Variants in SORL1-AS1 observed in about 807,000 individuals in gnomAD.
The protein encoded by SORL1-AS1 is lncRNA 51 A.
At chr11:121,447,702 T>C (rs559102117) in exon 2 of SORL1-AS1, 7 of 152,086 alleles carry the variant, frequency 4.6e-5, no homozygotes, top group African/African-American at 2.4e-5. Context: ...TAGAAAAGTA[T>C]AGAAAACAGG....
Position 121,452,445 on chromosome 11 carries a change from C to T in SORL1-AS1, n.339+230G>A. ...TCTGGACGCAGAGGCTGCACGGCGG[C>T]AGCGCGCCCTTGCCCCAGGACCGGG... On this transcript the variant is annotated intron_variant and non_coding_transcript_variant, in intron 1 of 1. Coordinates refer to ENST00000501964, the Ensembl canonical transcript of SORL1-AS1. The surrounding 1 kb of genome is among the most constrained non-coding windows in gnomAD (Gnocchi z 5.3). 2 of 1,499,194 alleles carry T rather than the reference C, an allele frequency of 1.3e-6. No homozygotes were observed. The highest frequency in any genetic ancestry group is 1.3e-5 in the South Asian group (1 of 78,154). The allele number at this position is 1,499,194 out of a possible 1,614,324, so 92.9% of individuals were successfully genotyped here. A position where few individuals can be genotyped will look rare whatever the true frequency, so the allele number is the denominator to read the frequency against.
the SORL1-AS1 span, among the ~76,000 whole-genome samples, chr11:121,442,320 C>T: frequency 1.3e-5 from 2 of 152,106 alleles, no homozygotes; most frequent in African/African-American, 4.8e-5. Context: ...AACCCAAGGA[C>T]ACAGGAAGAG....
chr11:121,448,909 A>G (rs767128268), exon 2 of SORL1-AS1: 1 of 152,174 alleles, frequency 6.6e-6, no homozygotes. Context: ...CTGCTCTGAA[A>G]CCTGAAGGCT....
chr11:121,446,569 G>A (rs1485018542), downstream of SORL1-AS1, among the ~76,000 whole-genome samples: 2 of 152,062 alleles, frequency 1.3e-5, no homozygotes. Flanking sequence ...TGGGCAACAT[G>A]GTGAAACCCC....
At chr11:121,446,355 G>A (rs141212555), downstream of SORL1-AS1, among the ~76,000 whole-genome samples, 340 of 152,334 alleles carry the variant, frequency 2.2e-3, 2 homozygotes, top group African/African-American at 7.9e-3. Context: ...AGGTCAAGAA[G>A]TGGCCTTTTA....
chr11:121,439,131 T>G, the SORL1-AS1 span, among the ~76,000 whole-genome samples: 2 of 152,188 alleles, frequency 1.3e-5, no homozygotes, highest in African/African-American at 4.8e-5. Context: ...ACATGATAGG[T>G]GAATATTTAT....
At chr11:121,443,259 G>T (rs1591536311), downstream of SORL1-AS1, among the ~76,000 whole-genome samples, 1 of 152,306 alleles carries the variant, frequency 6.6e-6, no homozygotes, top group Non-Finnish European at 1.5e-5. Context: ...GCTAGCGTTG[G>T]ACTTTCTAGT....
Position 121,450,213 on chromosome 11 carries a change from C to A in SORL1-AS1, n.340-314G>T, listed in dbSNP as rs1471524684. ...TCTCATTAAATATATGTTGGAAAAACCCCAATAATTGAATCATCTACAGGA... is the reference window on the plus strand; with the variant it reads ...TCTCATTAAATATATGTTGGAAAAAACCCAATAATTGAATCATCTACAGGA... On this transcript the variant is annotated intron_variant and non_coding_transcript_variant, in intron 1 of 1. Coordinates refer to ENST00000501964, the Ensembl canonical transcript of SORL1-AS1. This position sits in a 1 kb window ranked among gnomAD's most constrained non-coding sequence, Gnocchi z 5.2. Among the ~76,000 whole-genome samples the A allele has an allele frequency of 6.6e-6, 1 of 152,150 alleles. No individual in the cohort carries two copies. The highest frequency in any genetic ancestry group is 6.5e-5 in the Admixed American group (1 of 15,272).
downstream of SORL1-AS1, among the ~76,000 whole-genome samples, chr11:121,443,139 A>C (rs1173244925): frequency 2.0e-5 from 3 of 152,196 alleles, no homozygotes; most frequent in African/African-American, 7.2e-5. Context: ...CCCGTTTCTA[A>C]TACTTATTAA....
downstream of SORL1-AS1, among the ~76,000 whole-genome samples, chr11:121,443,642 C>G (rs376577010): frequency 1.2e-3 from 185 of 152,322 alleles, no homozygotes; most frequent in African/African-American, 4.2e-3. Context: ...AATCCATGCT[C>G]TAAGTGTGAT....
At chr11:121,443,379 A>T (rs1283171891), downstream of SORL1-AS1, among the ~76,000 whole-genome samples, 1 of 152,230 alleles carries the variant, frequency 6.6e-6, no homozygotes, top group Admixed American at 6.5e-5. Context: ...GGCATATCTA[A>T]AATAAATTCT....
In SORL1-AS1 at chr11:121,452,291, C is replaced by A. The variant is rs1296668845; in HGVS notation, n.339+384G>T. On this transcript the variant is annotated intron_variant and non_coding_transcript_variant, in intron 1 of 1. Transcript: ENST00000501964. This position sits in a 1 kb window ranked among gnomAD's most constrained non-coding sequence, Gnocchi z 5.3. Reference sequence around the variant, plus strand: ...CTCCTGGCCTCGCGCTGCACATTCTCTCCTGGCGGCGGCGCCACCTGCAGT... The same window carrying A: ...CTCCTGGCCTCGCGCTGCACATTCTATCCTGGCGGCGGCGCCACCTGCAGT... 6.9e-7 allele frequency: 1 copy of A among 1,454,444 alleles called. No individual in the cohort carries two copies. The highest frequency in any genetic ancestry group is 3.0e-5 in the East Asian group (1 of 33,496). 90.1% of individuals were successfully genotyped at this position (1,454,444 alleles called of 1,614,324 possible). A position where few individuals can be genotyped will look rare whatever the true frequency, so the allele number is the denominator to read the frequency against.
At chr11:121,442,451 A>C (rs1456906940), downstream of SORL1-AS1, among the ~76,000 whole-genome samples, 2 of 151,926 alleles carry the variant, frequency 1.3e-5, no homozygotes, top group Non-Finnish European at 2.9e-5. Context: ...CCTGGGCAAC[A>C]TGGTGAAACC....
At chr11:121,438,973 C>T in the SORL1-AS1 span, among the ~76,000 whole-genome samples, 1 of 152,214 alleles carries the variant, frequency 6.6e-6, no homozygotes, top group Non-Finnish European at 1.5e-5. Context: ...TTGCAGTGAG[C>T]TGAGACGGCT....
chr11:121,446,737 ACT>A (rs1480672157), downstream of SORL1-AS1, among the ~76,000 whole-genome samples: 3 of 149,826 alleles, frequency 2.0e-5, no homozygotes, highest in Non-Finnish European at 4.4e-5. Flanking sequence ...GGTGACAGAA[ACT>A]CTGTCTTAAG....
downstream of SORL1-AS1, among the ~76,000 whole-genome samples, chr11:121,444,392 G>A (rs768656274): frequency 6.6e-6 from 1 of 152,184 alleles, no homozygotes; most frequent in Non-Finnish European, 1.5e-5. Context: ...CTTTAAACCT[G>A]CAGATGTAGG....
exon 2 of SORL1-AS1, chr11:121,449,313 A>C (rs540731754): frequency 6.6e-6 from 1 of 152,296 alleles, no homozygotes; most frequent in South Asian, 2.1e-4. Context: ...TCCATCCTGC[A>C]CCCCAACTTT....
At chr11:121,446,505 C>T (rs1435347877), downstream of SORL1-AS1, among the ~76,000 whole-genome samples, 1 of 152,074 alleles carries the variant, frequency 6.6e-6, no homozygotes, top group Non-Finnish European at 1.5e-5. Context: ...AATCCCAGCA[C>T]TTTGGGAAGC....
At chr11:121,444,688 G>A (rs373391074), downstream of SORL1-AS1, among the ~76,000 whole-genome samples, 1 of 152,302 alleles carries the variant, frequency 6.6e-6, no homozygotes, top group East Asian at 1.9e-4. Context: ...ATGAGGACAC[G>A]GTGGGTGTCC....
Sources: allele counts gnomAD v4.1 joint callset (sites outside exome capture counted in the v4.1 genomes callset), GRCh38; gene constraint gnomAD v4.1.1; non-coding constraint Gnocchi (gnomAD v3.1); transcripts MANE v1.5; gene names NCBI Gene and HGNC (gene_info 2026-07-23, HGNC 2026-07-21).